The following TDRD5 variants were observed in gnomAD, a reference collection of about 807,000 sequenced individuals.
TDRD5 encodes the protein tudor domain containing 5.
Under a neutral mutation model 120.6 loss-of-function variants are expected in TDRD5, and 41 were observed. The ratio of observed to expected loss-of-function variants is 0.34; its 90% CI spans 0.26 to 0.44. The LOEUF (loss-of-function observed/expected upper bound fraction) is 0.44. Ranked by LOEUF, TDRD5 falls within the 20% of genes least tolerant of loss-of-function variation. TDRD5 has a pLI of 1.00. For missense variants in TDRD5, 1,006 were observed against 1,221.2 expected, an observed-to-expected ratio of 0.82 and a Z score of 2.63; for synonymous variants, 430 against 433.7, an observed-to-expected ratio of 0.99 and a Z score of 0.11.
intron 6 of TDRD5, among the ~76,000 whole-genome samples, chr1:179,625,929 T>A (rs971990407): frequency 6.6e-6 from 1 of 151,884 alleles, no homozygotes; most frequent in Non-Finnish European, 1.5e-5. Context: ...ATGGATGAAA[T>A]TGGAAATCAT....
At chr1:179,661,383 T>C (rs1197606785) in intron 14 of TDRD5, among the ~76,000 whole-genome samples, 2 of 151,838 alleles carry the variant, frequency 1.3e-5, no homozygotes, top group African/African-American at 4.8e-5. Flanking sequence ...TTGGTTGTTT[T>C]TTTTGTTTTT....
chr1:179,648,620 C>T (rs1678538350), intron 11 of TDRD5, among the ~76,000 whole-genome samples: 1 of 150,700 alleles, frequency 6.6e-6, no homozygotes, highest in East Asian at 1.9e-4. Context: ...AAACAAACCA[C>T]CCTGAGGAAA....
chr1:179,690,935 G>T lies in TDRD5; in HGVS notation c.3100G>T (p.Glu1034Ter). The T allele has an allele frequency of 6.2e-7, 1 of 1,610,202 alleles. No homozygotes were observed. The change falls in exon 18 of 18, where the codon GAA becomes TAA. Residue 1034 changes from glutamate to a stop codon, truncating the protein, a stop_gained. Transcript: ENST00000444136. LOFTEE classifies it high-confidence loss of function. ...LHWYPSVKRM[E>*]A Reference sequence around the variant, plus strand: ...CTGGTACCCCAGTGTGAAAAGGATGGAAGCATGAGGGAGGGAGGGAGGAGG... The same window carrying T: ...CTGGTACCCCAGTGTGAAAAGGATGTAAGCATGAGGGAGGGAGGGAGGAGG...
intron 17 of TDRD5, among the ~76,000 whole-genome samples, chr1:179,676,280 C>G (rs977860988): frequency 3.3e-5 from 5 of 152,128 alleles, no homozygotes; most frequent in Admixed American, 2.0e-4. Flanking sequence ...GCAGCAGAAA[C>G]TTGGTTGGTG....
chr1:179,652,558 ATGT>A (rs563523532), intron 13 of TDRD5, among the ~76,000 whole-genome samples: 121 of 152,084 alleles, frequency 8.0e-4, no homozygotes, highest in Non-Finnish European at 1.5e-3. Flanking sequence ...TAATATTGTA[ATGT>A]TATTATGTAT....
chr1:179,607,271 A>C (rs61826403), intron 4 of TDRD5, among the ~76,000 whole-genome samples: 29,239 of 152,132 alleles, frequency 0.19, 3,661 homozygotes, highest in Non-Finnish European at 0.27. Context: ...TTTGTACATT[A>C]ACCTTGCATC....
At chr1:179,669,530 T>C (rs2147779177) in intron 17 of TDRD5, 126 bp downstream of exon 17, 2 of 1,031,890 alleles carry the variant, frequency 1.9e-6, no homozygotes, top group South Asian at 3.3e-5. Context: ...TTAGCATTTG[T>C]GTTAAGTCCT....
chr1:179,622,107 G>T (rs1257000560), intron 6 of TDRD5, among the ~76,000 whole-genome samples: 1 of 152,188 alleles, frequency 6.6e-6, no homozygotes, highest in African/African-American at 2.4e-5. Flanking sequence ...AAGTTTAAAT[G>T]ACTTAAAAAT....
At chr1:179,653,717 C>T (rs926176393) in intron 13 of TDRD5, among the ~76,000 whole-genome samples, 1 of 152,090 alleles carries the variant, frequency 6.6e-6, no homozygotes, top group African/African-American at 2.4e-5. Context: ...TCTACTATTC[C>T]ACCCTAGTCT....
chr1:179,618,208 G>A (rs1676660297), intron 4 of TDRD5, among the ~76,000 whole-genome samples: 2 of 152,150 alleles, frequency 1.3e-5, no homozygotes, highest in African/African-American at 2.4e-5. Flanking sequence ...GTCCAGGGAC[G>A]TTCCACCATC....
chr1:179,646,801 A>G (rs961020285), intron 11 of TDRD5, among the ~76,000 whole-genome samples: 1 of 152,112 alleles, frequency 6.6e-6, no homozygotes, highest in Non-Finnish European at 1.5e-5. Flanking sequence ...GCATTCTTAT[A>G]CACCAACAAC....
At chr1:179,673,202 A>G (rs1679945721) in intron 17 of TDRD5, among the ~76,000 whole-genome samples, 1 of 152,194 alleles carries the variant, frequency 6.6e-6, no homozygotes, top group South Asian at 2.1e-4. Context: ...GATCATTTTC[A>G]CAATATTGAT....
intron 4 of TDRD5, among the ~76,000 whole-genome samples, chr1:179,607,065 A>G (rs572258186): frequency 2.0e-5 from 3 of 152,258 alleles, no homozygotes; most frequent in South Asian, 2.1e-4. Context: ...TTTTCTATCC[A>G]TGAACATGGA....
chr1:179,669,432 C>T (rs1030969069), intron 17 of TDRD5, 28 bp downstream of exon 17: 8 of 1,610,378 alleles, frequency 5.0e-6, no homozygotes, highest in African/African-American at 1.3e-5. Flanking sequence ...TGTGCATGCT[C>T]ACAGTTGACA....
intron 16 of TDRD5, among the ~76,000 whole-genome samples, chr1:179,665,557 G>C (rs1015036014): frequency 1.3e-5 from 2 of 152,024 alleles, no homozygotes; most frequent in African/African-American, 4.8e-5. Flanking sequence ...ATAAAGATAG[G>C]GTTTATTTCT....
intron 7 of TDRD5, 120 bp from the exon 8 acceptor site, chr1:179,634,337 G>A: frequency 1.0e-6 from 1 of 986,670 alleles, no homozygotes; most frequent in South Asian, 1.9e-5. Flanking sequence ...TGTCTTTCTA[G>A]CACCTGGTGT....
intron 4 of TDRD5, among the ~76,000 whole-genome samples, chr1:179,606,050 T>C (rs1348597078): frequency 1.3e-5 from 2 of 152,006 alleles, no homozygotes; most frequent in African/African-American, 2.4e-5. Flanking sequence ...CATTTTGCAT[T>C]CTCACCAGTG....
At chr1:179,667,636 T>C (rs1046919609) in intron 16 of TDRD5, among the ~76,000 whole-genome samples, 1 of 152,236 alleles carries the variant, frequency 6.6e-6, no homozygotes, top group Non-Finnish European at 1.5e-5. Context: ...AGCCTCATTT[T>C]AAGTGAAGAT....
intron 17 of TDRD5, among the ~76,000 whole-genome samples, chr1:179,676,285 T>C (rs141914173): frequency 0.013 from 2,016 of 152,322 alleles, 54 homozygotes; most frequent in African/African-American, 0.045. Flanking sequence ...AGAAACTTGG[T>C]TGGTGAATTC....
Sources: gnomAD v4.1 joint callset for allele counts (sites outside exome capture counted in the v4.1 genomes callset) on GRCh38, gnomAD v4.1.1 for gene constraint, MANE v1.5 for transcripts, NCBI Gene and HGNC (gene_info 2026-07-23, HGNC 2026-07-21) for gene names.